The following NIPAL2 variants were observed in gnomAD, a reference collection of about 807,000 sequenced individuals.
NIPAL2 encodes NIPA-like protein 2.
Under a neutral mutation model 48.9 loss-of-function variants are expected in NIPAL2, and 43 were observed. That is an observed-to-expected ratio of 0.88 (90% confidence interval 0.69 to 1.13). The LOEUF is 1.13. Ranked by LOEUF, NIPAL2 falls within the 50% of genes most tolerant of loss-of-function variation. NIPAL2 has a pLI of 0.00. For missense variants in NIPAL2, 446 were observed against 461.4 expected (o/e 0.97, Z 0.31); for synonymous variants, 167 against 174.6 (o/e 0.96, Z 0.34).
intron 4 of NIPAL2, among the ~76,000 whole-genome samples, chr8:98,233,864 G>A (rs1347151214): frequency 1.3e-5 from 2 of 152,238 alleles, no homozygotes; most frequent in Non-Finnish European, 2.9e-5. Flanking sequence ...CATTTCTCAT[G>A]TTATTCCCTC....
chr8:98,252,433 T>C, intron 3 of NIPAL2, 30 bp downstream of exon 3: 2 of 1,541,028 alleles, frequency 1.3e-6, no homozygotes, highest in South Asian at 1.3e-5. Context: ...CTCTTTAAGT[T>C]TCTATTTGTC....
intron 3 of NIPAL2, chr8:98,251,472 G>A (rs960542833): frequency 2.0e-5 from 3 of 152,116 alleles, no homozygotes; most frequent in Non-Finnish European, 4.4e-5. Context: ...GTGCCTCTTC[G>A]GAGTAGTAAC....
rs1436451992 is a variant in NIPAL2 at position 98,192,650 on chromosome 8, T to C, written c.*328A>G. 1.2e-5 allele frequency: 3 copies of C among 248,448 alleles called. No homozygotes were observed. The highest frequency in any genetic ancestry group is 2.3e-5 in the Non-Finnish European group (3 of 127,698). The allele number at this position is 248,448 out of a possible 1,614,324, so 15.4% of individuals were successfully genotyped here. On this transcript the variant is annotated 3_prime_UTR_variant, in exon 11 of 11. Coordinates refer to ENST00000430223, the MANE Select transcript of NIPAL2 (RefSeq NM_001321635.2). ...CACTACCCGTGGGAGAAGCCACCTA[T>C]GCGACCTGTGGCCAAACCGCAAATG...
intron 1 of NIPAL2, among the ~76,000 whole-genome samples, chr8:98,257,478 C>T (rs1398465085): frequency 6.6e-6 from 1 of 151,784 alleles, no homozygotes; most frequent in Non-Finnish European, 1.5e-5. Context: ...AGGATGGTCT[C>T]GATCTCTTGA....
chr8:98,231,747 A>G (rs929644952), intron 4 of NIPAL2: 1 of 152,220 alleles, frequency 6.6e-6, no homozygotes, highest in African/African-American at 2.4e-5. Flanking sequence ...ACTAGTGATG[A>G]AAAGCTTCAC....
intron 4 of NIPAL2, among the ~76,000 whole-genome samples, chr8:98,233,998 G>A (rs1025568831): frequency 5.9e-5 from 9 of 151,826 alleles, no homozygotes; most frequent in African/African-American, 2.2e-4. Context: ...GAGAAGAACA[G>A]GGCTAAACCT....
Position 98,222,426 on chromosome 8 carries a change from C to G in NIPAL2, c.558+53G>C, listed in dbSNP as rs915063705. 10 of 1,569,608 alleles carry G rather than the reference C, an allele frequency of 6.4e-6. No homozygotes were observed. In the Admixed American group the frequency reaches 1.5e-4, roughly 23 times the overall value. The stretch of plus-strand genomic sequence containing the variant: ...TATGTTCTCTAATATCTGCATGGAC[C>G]AGTGGTCTGGATAATATAGCTTCGG... On this transcript the variant is annotated intron_variant, in intron 5 of 10. Coordinates refer to ENST00000430223, the MANE Select transcript of NIPAL2 (RefSeq NM_001321635.2).
intron 1 of NIPAL2, among the ~76,000 whole-genome samples, chr8:98,256,770 C>T (rs1191282348): frequency 1.3e-5 from 2 of 152,140 alleles, no homozygotes; most frequent in Admixed American, 1.3e-4. Context: ...ACAGGATTAC[C>T]ATATGGTCTA....
intron 1 of NIPAL2, among the ~76,000 whole-genome samples, chr8:98,259,913 C>A (rs565363141): frequency 7.2e-5 from 11 of 152,146 alleles, no homozygotes; most frequent in Non-Finnish European, 1.3e-4. Context: ...ATCAATGAAC[C>A]CCCAGCTGAC....
chr8:98,257,445 G>T (rs1165059282), intron 1 of NIPAL2, among the ~76,000 whole-genome samples: 1 of 149,464 alleles, frequency 6.7e-6, no homozygotes, highest in African/African-American at 2.5e-5. Flanking sequence ...TTTTAGTAGA[G>T]ACAGGGTTTC....
At chr8:98,210,051 T>C (rs537232732) in intron 6 of NIPAL2, among the ~76,000 whole-genome samples, 116 of 152,168 alleles carry the variant, frequency 7.6e-4, no homozygotes, top group African/African-American at 2.7e-3. Context: ...TTTTTTCTGA[T>C]GGAGGATCTA....
chr8:98,205,202 T>C lies in NIPAL2; in HGVS notation c.700A>G (p.Thr234Ala), dbSNP rs1183639017. ...TGCATTTTATCCATCACAGAAAAAG[T>C]GATCATGCCTGAGACGGCCTTTACT... is the stretch of plus-strand genomic sequence containing the variant. Reference protein sequence around the residue: ...ISVKAVSGMITFSVMDKMQLT... With the variant: ...ISVKAVSGMIAFSVMDKMQLT... Residue 234 changes from threonine (T) to alanine (A), a missense_variant, in exon 7 of 11, where the codon ACT becomes GCT. Thr to Ala is a moderately conservative substitution (Grantham distance 58, BLOSUM62 0). Coordinates refer to ENST00000430223, the MANE Select transcript of NIPAL2 (RefSeq NM_001321635.2). 6.2e-7 allele frequency: 1 copy of C among 1,613,662 alleles called. No homozygotes were observed. Among genetic ancestry groups the C allele is most frequent in the South Asian group, 1.1e-5 (1 of 91,056 alleles).
chr8:98,192,940 G>T lies in NIPAL2; in HGVS notation c.*38C>A. ...ACATGTGCAATTTTTTAAAAAGGTG[G>T]TATCGAATAACAGGCCAACAGCCAT... is the stretch of plus-strand genomic sequence containing the variant. On this transcript the variant is annotated 3_prime_UTR_variant, in exon 11 of 11. Coordinates refer to ENST00000430223, the MANE Select transcript of NIPAL2 (RefSeq NM_001321635.2). 7.9e-7 allele frequency: 1 copy of T among 1,272,964 alleles called. No homozygotes were observed. The highest frequency in any genetic ancestry group is 1.1e-6 in the Non-Finnish European group (1 of 871,918). 78.9% of individuals were successfully genotyped at this position (1,272,964 alleles called of 1,614,324 possible). A position where few individuals can be genotyped will look rare whatever the true frequency, so the allele number is the denominator to read the frequency against.
intron 8 of NIPAL2, among the ~76,000 whole-genome samples, chr8:98,198,590 A>T (rs940429060): frequency 9.2e-5 from 14 of 152,220 alleles, no homozygotes; most frequent in African/African-American, 3.4e-4. Context: ...ACCTTCATCA[A>T]TGATCTTAGC....
intron 1 of NIPAL2, among the ~76,000 whole-genome samples, chr8:98,257,220 C>G (rs138840300): frequency 1.1e-3 from 164 of 152,146 alleles, no homozygotes; most frequent in African/African-American, 3.9e-3. Flanking sequence ...TGAAGACTGA[C>G]AAAACAGACT....
intron 5 of NIPAL2, among the ~76,000 whole-genome samples, chr8:98,222,243 C>T (rs1245764326): frequency 4.6e-5 from 7 of 152,062 alleles, no homozygotes; most frequent in Non-Finnish European, 1.0e-4. Flanking sequence ...ACGTATTGCT[C>T]TGGAACTTGG....
rs76028464 is a variant in NIPAL2 at position 98,248,088 on chromosome 8, C to T, written c.376+4375G>A. On this transcript the variant is annotated intron_variant, in intron 3 of 10. Transcript: ENST00000430223. ...CTGTATTGGTTTTTAAAATGTATTT[C>T]GTGTTGGTAGGTTATTTGGAAATTC... is the stretch of plus-strand genomic sequence containing the variant. Among the ~76,000 whole-genome samples the T allele has an allele frequency of 3.2e-3, 484 of 152,214 alleles. 1 individual carries two copies. The highest frequency in any genetic ancestry group is 0.011 in the African/African-American group (454 of 41,512).
intron 1 of NIPAL2, among the ~76,000 whole-genome samples, chr8:98,282,133 C>T (rs532850813): frequency 3.9e-5 from 6 of 152,248 alleles, no homozygotes; most frequent in East Asian, 3.9e-4. Flanking sequence ...AGGGAAGCCT[C>T]GCAGGGTGAT....
chr8:98,282,219 C>T (rs971390960), intron 1 of NIPAL2, among the ~76,000 whole-genome samples: 1 of 152,128 alleles, frequency 6.6e-6, no homozygotes, highest in Non-Finnish European at 1.5e-5. Context: ...ACAAGGGGCC[C>T]TGCAGGCCTG....
Sources: allele counts gnomAD v4.1 joint callset (sites outside exome capture counted in the v4.1 genomes callset), GRCh38; gene constraint gnomAD v4.1.1; transcripts MANE v1.5; gene names NCBI Gene and HGNC (gene_info 2026-07-23, HGNC 2026-07-21).